WNK1: variants seen among roughly 807,000 people sequenced by gnomAD.
WNK1 encodes serine/threonine-protein kinase WNK1.
Under a neutral mutation model 222.8 loss-of-function variants are expected in WNK1, and 38 were observed. That is an observed-to-expected ratio of 0.17 (90% confidence interval 0.13 to 0.22). The LOEUF is 0.22. WNK1 is among the 10% of genes least tolerant of loss of function. The pLI is 1.00. For missense variants in WNK1, 2,348 were observed against 2,918.4 expected (o/e 0.80, Z 4.50); for synonymous variants, 1,090 against 1,092.9 (o/e 1.00, Z 0.05).
chr12:890,570 T>C, intron 22 of WNK1, 57 bp downstream of exon 22: 1 of 1,587,712 alleles, frequency 6.3e-7, no homozygotes, highest in South Asian at 1.1e-5. Flanking sequence ...CCGTAGTTGA[T>C]TCAGGAGGTT....
In WNK1 at chr12:878,381, T is replaced by TG. The variant is rs1199569268; in HGVS notation, c.2373+20_2373+21insG. The TG allele has an allele frequency of 1.9e-6, 3 of 1,610,290 alleles. No individual in the cohort carries two copies. The highest frequency in any genetic ancestry group is 2.5e-6 in the Non-Finnish European group (3 of 1,177,368). On this transcript the variant is annotated intron_variant, in intron 10 of 27. Transcript: ENST00000315939. ...AAACAGGTAAACTTTTTTTTTTTTT[T>TG]TAAACAGGTAAACTCTTAATTTCTG...
At chr12:801,896 T>G (rs1945917058) in intron 1 of WNK1, among the ~76,000 whole-genome samples, 1 of 152,186 alleles carries the variant, frequency 6.6e-6, no homozygotes, top group African/African-American at 2.4e-5. Flanking sequence ...TTTACTTTGT[T>G]TTTTGAGTGA....
At chr12:906,269 CTCT>C in intron 26 of WNK1, 1 of 970,140 alleles carries the variant, frequency 1.0e-6, no homozygotes, top group Non-Finnish European at 1.2e-6. Flanking sequence ...AAGACCATGA[CTCT>C]TCTTTCCCTC....
At position 798,029 on chromosome 12, in the gene WNK1, CT is replaced by C. The variant is rs761103445; in HGVS notation, c.760-15611del. ...GAAGATGAGTAATATTAATATCTGC[CT>C]TCTGTCTTTTAAAAATGTCTAAAAG... On this transcript the variant is annotated intron_variant, in intron 1 of 27. Coordinates refer to ENST00000315939, the MANE Select transcript of WNK1 (RefSeq NM_018979.4). Among the ~76,000 whole-genome samples, 50 of 151,766 alleles carry C rather than the reference CT, an allele frequency of 3.3e-4. No homozygotes were observed. The Middle Eastern group carries it at 0.014, about 42-fold the overall frequency.
intron 1 of WNK1, among the ~76,000 whole-genome samples, chr12:803,689 A>G (rs1397462977): frequency 1.3e-5 from 2 of 152,206 alleles, no homozygotes; most frequent in Non-Finnish European, 2.9e-5. Flanking sequence ...GTGAGCCGAG[A>G]TTGTGCCACT....
chr12:810,552 C>T (rs1311007104), intron 1 of WNK1, among the ~76,000 whole-genome samples: 2 of 152,164 alleles, frequency 1.3e-5, no homozygotes, highest in Non-Finnish European at 2.9e-5. Context: ...TGAATGAAAA[C>T]TAGTCTCACT....
intron 1 of WNK1, among the ~76,000 whole-genome samples, chr12:799,288 AAT>A (rs1945647272): frequency 1.3e-5 from 2 of 150,542 alleles, no homozygotes; most frequent in African/African-American, 4.9e-5. Flanking sequence ...ATGTCTGTCT[AAT>A]TTTTGTATTT....
intron 4 of WNK1, among the ~76,000 whole-genome samples, chr12:839,160 G>A (rs541736912): frequency 6.6e-6 from 1 of 152,268 alleles, no homozygotes; most frequent in East Asian, 1.9e-4. Context: ...AAGAATTAGG[G>A]AAAGACTAAG....
Position 881,727 on chromosome 12 carries a change from G to A in WNK1, c.3147G>A (p.Glu1049=). ...GAGTCTCTCAGGTTGCTCCTGCAGA[G>A]CCAGTTGCAGTAGCACAGACCCAAG... ...TQGVSQVAPA[E]PVAVAQTQAT... The change falls in exon 13 of 28, where the codon GAG becomes GAA. Residue 1049 remains glutamate (E), a synonymous_variant. Coordinates refer to ENST00000315939, the MANE Select transcript of WNK1 (RefSeq NM_018979.4). 3 of 1,614,138 alleles carry A rather than the reference G, an allele frequency of 1.9e-6. No homozygotes were observed. Among genetic ancestry groups the A allele is most frequent in the African/African-American group, 2.7e-5 (2 of 75,034 alleles).
intron 2 of WNK1, among the ~76,000 whole-genome samples, chr12:818,658 A>G (rs1175054694): frequency 6.6e-6 from 1 of 152,172 alleles, no homozygotes; most frequent in Non-Finnish European, 1.5e-5. Flanking sequence ...CCTGACAACT[A>G]CCAACTTTTT....
At chr12:861,471 G>GGTT (rs1240526338) in intron 7 of WNK1, 128 bp downstream of exon 7, 26 of 834,470 alleles carry the variant, frequency 3.1e-5, no homozygotes, top group Middle Eastern at 3.4e-4. Context: ...AATTTGAAAT[G>GGTT]GTTGTCGTCT....
intron 4 of WNK1, among the ~76,000 whole-genome samples, chr12:836,246 A>T (rs1309323061): frequency 6.6e-6 from 1 of 152,204 alleles, no homozygotes; most frequent in Non-Finnish European, 1.5e-5. Flanking sequence ...TATATGAGTG[A>T]TACTGCTAAA....
chr12:889,518 C>T (rs1475419292), intron 21 of WNK1, among the ~76,000 whole-genome samples: 1 of 152,070 alleles, frequency 6.6e-6, no homozygotes. Flanking sequence ...TAAATTTTGT[C>T]AGATAAAATA....
chr12:852,297 CTAT>C (rs1950476018), intron 4 of WNK1, among the ~76,000 whole-genome samples: 1 of 152,056 alleles, frequency 6.6e-6, no homozygotes, highest in Non-Finnish European at 1.5e-5. Flanking sequence ...TCTCAATGTG[CTAT>C]TATAGAGTTA....
intron 9 of WNK1, among the ~76,000 whole-genome samples, chr12:873,079 A>G (rs1177560593): frequency 1.3e-5 from 2 of 152,254 alleles, no homozygotes; most frequent in Non-Finnish European, 2.9e-5. Flanking sequence ...AATGCAAATT[A>G]CAAGTCACAT....
chr12:837,754 C>T (rs888596055), intron 4 of WNK1, among the ~76,000 whole-genome samples: 4 of 151,926 alleles, frequency 2.6e-5, no homozygotes, highest in African/African-American at 7.3e-5. Context: ...AAGTCCTTCT[C>T]GGGCCATATT....
At chr12:780,311 A>G (rs553716114) in intron 1 of WNK1, among the ~76,000 whole-genome samples, 36 of 152,336 alleles carry the variant, frequency 2.4e-4, no homozygotes, top group African/African-American at 8.7e-4. Flanking sequence ...ACAATGTTTT[A>G]ATAGTGAGAT....
chr12:882,013 A>T lies in WNK1; in HGVS notation c.3312A>T (p.Lys1104Asn). The T allele has an allele frequency of 6.2e-7, 1 of 1,614,174 alleles. No individual in the cohort carries two copies. The highest frequency in any genetic ancestry group is 8.5e-7 in the Non-Finnish European group (1 of 1,180,034). The change falls in exon 14 of 28, where the codon AAA becomes AAT. Residue 1104 changes from lysine to asparagine, a missense_variant. Transcript: ENST00000315939. ...GAACTACAAAACGGCATTACCGAAA[A>T]TCTGTAAGGAGTCGCTCTCGACATG... ...EGRTTKRHYR[K>N]SVRSRSRHEK... is the part of the protein sequence containing the mutation.
rs1289233365 is a variant in WNK1, at chr12:884,956, T to C, written c.4152T>C (p.Ala1384=). ...EVTVPTEEGI[A]GVATSTGVVT... is the part of the protein sequence containing the mutation. ...CAGTGCCCACTGAAGAGGGGATTGC[T>C]GGAGTTGCCACCAGCACAGGTGTGG... The change falls in exon 19 of 28, where the codon GCT becomes GCC. Residue 1384 remains alanine (A), a synonymous_variant. Coordinates refer to ENST00000315939, the MANE Select transcript of WNK1 (RefSeq NM_018979.4). The surrounding 1 kb of genome is among the most constrained non-coding windows in gnomAD (Gnocchi z 5.6). 4 of 1,614,068 alleles carry C rather than the reference T, an allele frequency of 2.5e-6. No homozygotes were observed. The highest frequency in any genetic ancestry group is 2.7e-5 in the African/African-American group (2 of 74,934).
Sources: allele counts gnomAD v4.1 joint callset (sites outside exome capture counted in the v4.1 genomes callset), GRCh38; gene constraint gnomAD v4.1.1; non-coding constraint Gnocchi (gnomAD v3.1); transcripts MANE v1.5; gene names NCBI Gene and HGNC (gene_info 2026-07-23, HGNC 2026-07-21).